Variants in SPATA1 observed in about 807,000 individuals in gnomAD.
The protein encoded by SPATA1 is spermatogenesis-associated protein 1.
SPATA1 carries 57 observed loss-of-function variants against 59.6 expected under a neutral mutation model. That is an observed-to-expected ratio of 0.96 (90% CI 0.77 to 1.19). The LOEUF (loss-of-function observed/expected upper bound fraction) is 1.19. Among genes scored for constraint, SPATA1 ranks in the 50% most tolerant of loss-of-function variants. The pLI is 0.00. For synonymous variants in SPATA1, 147 were observed against 163.9 expected (o/e 0.90, Z 0.79); for missense variants, 448 against 480.7 (o/e 0.93, Z 0.64).
chr1:84,541,934 G>GT (rs139183189), intron 8 of SPATA1, among the ~76,000 whole-genome samples: 2,480 of 150,836 alleles, frequency 0.016, 64 homozygotes, highest in African/African-American at 0.056. Flanking sequence ...AGGTTTTTGA[G>GT]TTTTTTTTGT....
intron 4 of SPATA1, among the ~76,000 whole-genome samples, chr1:84,560,099 AAGAAAGAAAGAAAG>A (rs1190360045): frequency 7.1e-4 from 16 of 22,408 alleles, no homozygotes; most frequent in African/African-American, 1.4e-3. Flanking sequence ...AAAAAAAAAA[AAGAAAGAAAGAAAG>A]AAAGAAAGAA....
chr1:84,512,777 G>A (rs1682629080), intron 1 of SPATA1, among the ~76,000 whole-genome samples: 1 of 152,230 alleles, frequency 6.6e-6, no homozygotes, highest in Admixed American at 6.5e-5. Context: ...CTACTGAGAT[G>A]TAGCCTTGGG....
At chr1:84,566,480 C>A (rs1684703033), downstream of SPATA1, among the ~76,000 whole-genome samples, 1 of 152,290 alleles carries the variant, frequency 6.6e-6, no homozygotes, top group Middle Eastern at 3.4e-3. Context: ...GCCTGATTCA[C>A]AATCACCTTA....
intron 4 of SPATA1, chr1:84,563,303 C>T (rs1570471428): frequency 6.3e-7 from 1 of 1,590,386 alleles, no homozygotes; most frequent in Middle Eastern, 1.7e-4. Context: ...CCATAGGTTT[C>T]CAGAAATAGA....
chr1:84,565,391 G>T (rs1340832720), intron 4 of SPATA1, among the ~76,000 whole-genome samples: 4 of 152,066 alleles, frequency 2.6e-5, no homozygotes. Context: ...AGAAGTTAAT[G>T]CCTATCCTAT....
At chr1:84,540,502 CT>C in intron 8 of SPATA1, among the ~76,000 whole-genome samples, 2 of 152,242 alleles carry the variant, frequency 1.3e-5, no homozygotes, top group African/African-American at 4.8e-5. Context: ...TCTACTTTCA[CT>C]TTTTTCCCTC....
At chr1:84,540,898 G>T (rs7529017) in intron 8 of SPATA1, among the ~76,000 whole-genome samples, 1 of 152,250 alleles carries the variant, frequency 6.6e-6, no homozygotes, top group Admixed American at 6.5e-5. Flanking sequence ...ATGTGGCCCA[G>T]ACATATTTAT....
intron 5 of SPATA1, 30 bp from the exon 6 acceptor site, chr1:84,525,815 C>T (rs1683194153): frequency 6.2e-7 from 1 of 1,606,102 alleles, no homozygotes; most frequent in Middle Eastern, 1.7e-4. Flanking sequence ...TAATTGCAAA[C>T]TAACTTTTAA....
chr1:84,551,374 TAAATAA>T (rs1039213770), intron 12 of SPATA1: 1 of 753,286 alleles, frequency 1.3e-6, no homozygotes, highest in African/African-American at 2.1e-5. Flanking sequence ...AAAATAAAAA[TAAATAA>T]AATTTAAAAA....
At chr1:84,539,505 C>G (rs12125418) in intron 8 of SPATA1, among the ~76,000 whole-genome samples, 44,999 of 152,046 alleles carry the variant, frequency 0.3, 7,321 homozygotes, top group African/African-American at 0.43. Flanking sequence ...AAAATGTTTT[C>G]CACTCTGGTG....
intron 8 of SPATA1, among the ~76,000 whole-genome samples, chr1:84,541,986 T>C (rs1260962051): frequency 6.6e-6 from 1 of 152,178 alleles, no homozygotes; most frequent in African/African-American, 2.4e-5. Context: ...TTCATTTTTC[T>C]TGAGATGGAG....
intron 1 of SPATA1, among the ~76,000 whole-genome samples, chr1:84,514,547 G>A (rs1393022819): frequency 6.6e-6 from 1 of 152,150 alleles, no homozygotes; most frequent in Non-Finnish European, 1.5e-5. Context: ...TCAGATTTTT[G>A]AGCATTGCAG....
At chr1:84,510,309 G>GA (rs1308575923) in intron 1 of SPATA1, among the ~76,000 whole-genome samples, 2 of 152,058 alleles carry the variant, frequency 1.3e-5, no homozygotes, top group Non-Finnish European at 1.5e-5. Context: ...AACTATATAG[G>GA]AAAAAAATCT....
At chr1:84,560,080 T>G (rs1684557504) in intron 4 of SPATA1, among the ~76,000 whole-genome samples, 1 of 86,370 alleles carries the variant, frequency 1.2e-5, no homozygotes, top group Non-Finnish European at 2.1e-5. Context: ...CAAGACTCTG[T>G]CTCAAAAAAA....
rs547069684 is a variant in SPATA1, at chr1:84,509,208, T to TAAAAAAAAAA, written c.-138+2795_-138+2804dup. The stretch of plus-strand genomic sequence containing the variant: ...TAACCAAAACAGCATGGTACTGGCA[T>TAAAAAAAAAA]AAAAAAAAAAAAAACATAGACCAGT... On this transcript the variant is annotated intron_variant, in intron 1 of 12. Transcript: ENST00000490879. Among the ~76,000 whole-genome samples, 381 of 134,404 alleles carry TAAAAAAAAAA rather than the reference T, an allele frequency of 2.8e-3. 2 individuals are homozygous for TAAAAAAAAAA. The highest frequency in any genetic ancestry group is 0.019 in the Middle Eastern group (5 of 268). 88.2% of individuals were successfully genotyped at this position (134,404 alleles called of 152,430 possible).
chr1:84,560,446 A>T (rs1405698031), intron 4 of SPATA1, among the ~76,000 whole-genome samples: 1 of 152,218 alleles, frequency 6.6e-6, no homozygotes, highest in Non-Finnish European at 1.5e-5. Flanking sequence ...ACAGTTCTAC[A>T]TAGCTGTCCA....
intron 10 of SPATA1, among the ~76,000 whole-genome samples, chr1:84,548,553 A>T (rs1055845252): frequency 5.4e-5 from 8 of 147,528 alleles, no homozygotes; most frequent in African/African-American, 2.0e-4. Flanking sequence ...ATTACTATAA[A>T]ATATATATAT....
chr1:84,547,304 A>C (rs1041591468), intron 10 of SPATA1, among the ~76,000 whole-genome samples: 6 of 152,194 alleles, frequency 3.9e-5, no homozygotes, highest in African/African-American at 1.4e-4. Context: ...TGTTTATGAA[A>C]TGGGAATGAT....
chr1:84,564,050 CAATT>C, intron 4 of SPATA1: 1 of 170,892 alleles, frequency 5.9e-6, no homozygotes, highest in Non-Finnish European at 1.2e-5. Context: ...ACATTCAAAA[CAATT>C]AAGATCATAC....
Sources: gnomAD v4.1 joint callset for allele counts (sites outside exome capture counted in the v4.1 genomes callset) on GRCh38, gnomAD v4.1.1 for gene constraint, MANE v1.5 for transcripts, NCBI Gene and HGNC (gene_info 2026-07-23, HGNC 2026-07-21) for gene names.